The following U2SURP variants were observed in gnomAD, a reference collection of about 807,000 sequenced individuals.
U2SURP encodes the protein U2 snRNP-associated SURP motif-containing protein.
In U2SURP, 9 loss-of-function variants were observed where a neutral mutation model predicts 144.9. The ratio of observed to expected loss-of-function variants is 0.06; its 90% CI spans 0.04 to 0.11. U2SURP has a LOEUF of 0.11. U2SURP is among the 10% of genes least tolerant of loss of function. The probability of loss-of-function intolerance (pLI) is 1.00; values close to 1 mark genes in which losing one functional copy is unlikely to be tolerated. For synonymous variants in U2SURP, 408 were observed against 396.8 expected (o/e 1.03, Z -0.33); for missense variants, 724 against 1,226.7 (o/e 0.59, Z 6.12).
intron 24 of U2SURP, among the ~76,000 whole-genome samples, chr3:143,049,113 T>G (rs1578171025): frequency 7.1e-6 from 1 of 140,476 alleles, no homozygotes. Context: ...AAAAAAAAGA[T>G]TCAAAAATTA....
intron 4 of U2SURP, among the ~76,000 whole-genome samples, chr3:143,015,476 T>C (rs1396041873): frequency 1.3e-5 from 2 of 152,102 alleles, no homozygotes; most frequent in African/African-American, 4.8e-5. Flanking sequence ...TCCTCATGTT[T>C]TCCTCTACTA....
At chr3:143,055,318 C>T (rs1293185553) in intron 27 of U2SURP, among the ~76,000 whole-genome samples, 199 bp downstream of exon 27, 2 of 151,888 alleles carry the variant, frequency 1.3e-5, no homozygotes, top group Non-Finnish European at 2.9e-5. Context: ...TGAAGGCTTC[C>T]AACAAGTGAG....
At chr3:143,053,604 A>G (rs1373453709) in intron 25 of U2SURP, 72 bp from the exon 26 acceptor site, 1 of 980,124 alleles carries the variant, frequency 1.0e-6, no homozygotes, top group Non-Finnish European at 1.5e-6. Context: ...AAGAGAAGAT[A>G]TTGTTCTATA....
At chr3:143,054,448 T>C (rs1185142001) in intron 26 of U2SURP, among the ~76,000 whole-genome samples, 1 of 152,256 alleles carries the variant, frequency 6.6e-6, no homozygotes, top group East Asian at 1.9e-4. Flanking sequence ...CTTTTTTGAC[T>C]TTTATTACTA....
intron 1 of U2SURP, among the ~76,000 whole-genome samples, chr3:143,006,286 T>G (rs929572498): frequency 1.3e-5 from 2 of 152,208 alleles, no homozygotes; most frequent in Non-Finnish European, 2.9e-5. Context: ...GCTTGGATAG[T>G]GGTATTAAGC....
intron 24 of U2SURP, among the ~76,000 whole-genome samples, chr3:143,047,930 CTT>C (rs1934626616): frequency 6.6e-6 from 1 of 151,564 alleles, no homozygotes; most frequent in African/African-American, 2.4e-5. Flanking sequence ...AGTTCTTAAT[CTT>C]TCACATACCA....
rs1303151898 is a variant in U2SURP, at chr3:143,046,333, T to A, written c.2544+3057T>A. Among the ~76,000 whole-genome samples, 6 of 147,570 alleles carry A rather than the reference T, an allele frequency of 4.1e-5. No individual in the cohort carries two copies. In the East Asian group the frequency reaches 5.8e-4, roughly 14 times the overall value. ...TTTTTATTTTTTTATTTTTTATTTT[T>A]TTTTTTATTGATCATTCTTGGGTGT... is the stretch of plus-strand genomic sequence containing the variant. On this transcript the variant is annotated intron_variant, in intron 24 of 27. Coordinates refer to ENST00000473835, the MANE Select transcript of U2SURP (RefSeq NM_001080415.2).
At chr3:143,010,946 C>A in intron 2 of U2SURP, 87 bp downstream of exon 2, 5 of 952,936 alleles carry the variant, frequency 5.2e-6, no homozygotes, top group Non-Finnish European at 7.7e-6. Context: ...TTTTACTTGA[C>A]AAATAAATAC....
intron 1 of U2SURP, among the ~76,000 whole-genome samples, chr3:143,007,215 A>G (rs979641457): frequency 1.3e-5 from 2 of 151,810 alleles, no homozygotes; most frequent in Non-Finnish European, 2.9e-5. Flanking sequence ...TCTCTTGTGT[A>G]TGCTACTTTA....
intron 24 of U2SURP, among the ~76,000 whole-genome samples, chr3:143,049,889 A>C (rs926415890): frequency 3.3e-5 from 5 of 152,138 alleles, no homozygotes; most frequent in African/African-American, 7.2e-5. Context: ...GTTTTTTCAG[A>C]TCTTTATCCA....
intron 1 of U2SURP, 40 bp from the exon 2 acceptor site, chr3:143,010,775 G>C (rs754286008): frequency 9.2e-6 from 14 of 1,519,432 alleles, no homozygotes; most frequent in African/African-American, 1.4e-5. Flanking sequence ...GTTAGTATAA[G>C]ACATTTTAAA....
Position 143,056,751 on chromosome 3 carries a change from T to C in U2SURP, c.*301T>C, listed in dbSNP as rs1301504877. On this transcript the variant is annotated 3_prime_UTR_variant, in exon 28 of 28. Coordinates refer to ENST00000473835, the MANE Select transcript of U2SURP (RefSeq NM_001080415.2). ...GTAGTAGTATTTTGTTTTAGGATGT[T>C]GTGACTTAGCAAAAATAATACAGAT... 5 of 219,232 alleles carry C rather than the reference T, an allele frequency of 2.3e-5. No individual in the cohort carries two copies. Among genetic ancestry groups the C allele is most frequent in the African/African-American group, 1.1e-4 (5 of 43,964 alleles). The allele number at this position is 219,232 out of a possible 1,614,324, so 13.6% of individuals were successfully genotyped here. A position where few individuals can be genotyped will look rare whatever the true frequency, so the allele number is the denominator to read the frequency against.
intron 10 of U2SURP, among the ~76,000 whole-genome samples, chr3:143,021,836 C>G (rs1936650211): frequency 6.6e-6 from 1 of 152,146 alleles, no homozygotes; most frequent in Non-Finnish European, 1.5e-5. Context: ...TTGAGACTGT[C>G]CACTTCTGAT....
At chr3:143,050,715 G>A (rs1235617247) in intron 24 of U2SURP, among the ~76,000 whole-genome samples, 1 of 152,200 alleles carries the variant, frequency 6.6e-6, no homozygotes, top group African/African-American at 2.4e-5. Flanking sequence ...TTACAGCCAT[G>A]AAGCACGGTT....
intron 26 of U2SURP, 125 bp downstream of exon 26, chr3:143,053,919 C>T: frequency 2.5e-6 from 2 of 804,622 alleles, no homozygotes; most frequent in Admixed American, 6.3e-5. Context: ...TGTTTGGGTC[C>T]TGCTTGCAGA....
chr3:143,026,240 C>T (rs142752207), intron 13 of U2SURP: 1 of 152,184 alleles, frequency 6.6e-6, no homozygotes, highest in Non-Finnish European at 1.5e-5. Flanking sequence ...TAAAGACTTC[C>T]TGTGAGTTCA....
Position 143,059,418 on chromosome 3 carries a change from A to G in U2SURP, c.*2968A>G, listed in dbSNP as rs1212628287. ...TAGGTATTTCCCCCCAAACTTTAAT[A>G]TTCTTGAGCACTTGAAAATACTTTT... On this transcript the variant is annotated 3_prime_UTR_variant, in exon 28 of 28. Transcript: ENST00000473835. The G allele has an allele frequency of 6.6e-6, 1 of 152,198 alleles. No individual in the cohort carries two copies. The highest frequency in any genetic ancestry group is 1.5e-5 in the Non-Finnish European group (1 of 67,818). The allele number at this position is 152,198 out of a possible 1,614,324, so 9.4% of individuals were successfully genotyped here.
At position 143,038,889 on chromosome 3, in the gene U2SURP, T is replaced by A. The variant is rs1467014274; in HGVS notation, c.2318-5T>A. The A allele has an allele frequency of 3.9e-6, 6 of 1,540,142 alleles. No homozygotes were observed. The highest frequency in any genetic ancestry group is 4.4e-6 in the Non-Finnish European group (5 of 1,144,426). ...GAATTACATCCTCCTTTTCCTTTCA[T>A]TCAGCTGTTACAACTTCTAAATGGG... On this transcript the variant is annotated splice_polypyrimidine_tract_variant and splice_region_variant and intron_variant, in intron 22 of 27. Coordinates refer to ENST00000473835, the MANE Select transcript of U2SURP (RefSeq NM_001080415.2).
intron 24 of U2SURP, among the ~76,000 whole-genome samples, chr3:143,050,658 C>T (rs1211407909): frequency 6.6e-6 from 1 of 152,100 alleles, no homozygotes; most frequent in African/African-American, 2.4e-5. Context: ...ATTTGGGGAA[C>T]CAGATACCAA....
Sources: allele counts gnomAD v4.1 joint callset (sites outside exome capture counted in the v4.1 genomes callset), GRCh38; gene constraint gnomAD v4.1.1; transcripts MANE v1.5; gene names NCBI Gene and HGNC (gene_info 2026-07-23, HGNC 2026-07-21).